Variants in NARS2 observed in about 807,000 individuals in gnomAD.
NARS2 encodes the protein asparaginyl-tRNA synthetase 2, mitochondrial.
NARS2 carries 60 observed loss-of-function variants against 62.9 expected under a neutral mutation model. That is an observed-to-expected ratio of 0.95 (90% confidence interval 0.77 to 1.18). NARS2 has a LOEUF of 1.18. NARS2 is among the 50% of genes most tolerant of loss of function. NARS2 has a pLI of 0.00. For synonymous variants in NARS2, 196 were observed against 200.0 expected (o/e 0.98, Z 0.17); for missense variants, 619 against 576.4 (o/e 1.07, Z -0.76).
chr11:78,493,247 A>G (rs1223285391), intron 6 of NARS2, 52 bp from the exon 7 acceptor site: 2 of 1,486,208 alleles, frequency 1.3e-6, no homozygotes, highest in East Asian at 2.3e-5. Context: ...ATTAATTTTA[A>G]GTATTTAAAT....
chr11:78,507,218 CTTT>C (rs1860536665), intron 6 of NARS2, among the ~76,000 whole-genome samples: 1 of 140,266 alleles, frequency 7.1e-6, no homozygotes, highest in African/African-American at 2.6e-5. Context: ...CTTCATTTTT[CTTT>C]TATTTTCCTT....
chr11:78,468,987 C>T lies in NARS2; in HGVS notation c.1026+260G>A, dbSNP rs114225694. On this transcript the variant is annotated intron_variant, in intron 10 of 13. Transcript: ENST00000281038. ...TTTTTAGAATTTTCATCTTCCTAAACGTGGGAGACTCCTTTATAACCCTTT... is the reference window on the plus strand; with the variant it reads ...TTTTTAGAATTTTCATCTTCCTAAATGTGGGAGACTCCTTTATAACCCTTT... 0.016 allele frequency among the ~76,000 whole-genome samples: 2,448 copies of T among 152,010 alleles called. 56 individuals carry two copies. The highest frequency in any genetic ancestry group is 0.056 in the African/African-American group (2,300 of 41,432).
intron 5 of NARS2, among the ~76,000 whole-genome samples, chr11:78,536,681 AG>A (rs1294892571): frequency 6.6e-6 from 1 of 152,228 alleles, no homozygotes; most frequent in Non-Finnish European, 1.5e-5. Flanking sequence ...TAAAAAAGTT[AG>A]AGTACGCTAA....
At chr11:78,494,064 C>T (rs1163982409) in intron 6 of NARS2, among the ~76,000 whole-genome samples, 1 of 152,168 alleles carries the variant, frequency 6.6e-6, no homozygotes, top group African/African-American at 2.4e-5. Flanking sequence ...GTGAATGACC[C>T]CTGAAATGTG....
At chr11:78,496,114 G>C (rs1860046287) in intron 6 of NARS2, among the ~76,000 whole-genome samples, 1 of 151,914 alleles carries the variant, frequency 6.6e-6, no homozygotes, top group African/African-American at 2.4e-5. Context: ...AATGACCACA[G>C]TGCTTCCTCT....
intron 1 of NARS2, among the ~76,000 whole-genome samples, chr11:78,572,476 C>T (rs1856965062): frequency 6.6e-6 from 1 of 152,194 alleles, no homozygotes; most frequent in Non-Finnish European, 1.5e-5. Flanking sequence ...TTCTTATCAA[C>T]GAGCTTTTCT....
chr11:78,568,706 T>C lies in NARS2; in HGVS notation c.298A>G (p.Lys100Glu). The change falls in exon 3 of 14, where the codon AAA (lysine) becomes GAA (glutamate). Residue 100 changes from lysine (K) to glutamate (E), a missense_variant. Lys to Glu is a moderately conservative substitution (Grantham distance 56, BLOSUM62 1). Transcript: ENST00000281038. ...ACATTTTGCCTTTTGGATGGACTTT[T>C]TATCAGCTGCCCTTGTACTTCCACA... ...SSVEVQGQLIKSPSKRQNVEL... is the reference protein window; with the variant it reads ...SSVEVQGQLIESPSKRQNVEL... The C allele has an allele frequency of 6.2e-7, 1 of 1,612,980 alleles. No homozygotes were observed. Among genetic ancestry groups the C allele is most frequent in the Non-Finnish European group, 8.5e-7 (1 of 1,179,218 alleles).
At chr11:78,451,579 A>T (rs1161835979) in intron 11 of NARS2, among the ~76,000 whole-genome samples, 2 of 152,232 alleles carry the variant, frequency 1.3e-5, no homozygotes, top group African/African-American at 4.8e-5. Flanking sequence ...TCTGTGGTTT[A>T]TGGGAGGCTG....
rs766342345 is a variant in NARS2, at chr11:78,469,291, C to T, written c.982G>A (p.Glu328Lys). The T allele has an allele frequency of 1.2e-6, 2 of 1,612,804 alleles. No homozygotes were observed. Among genetic ancestry groups the T allele is most frequent in the Non-Finnish European group, 1.7e-6 (2 of 1,179,352 alleles). ...FLIISYTEAV[E>K]ILKQASQNFT... Reference sequence around the variant, plus strand: ...TTCTGGGATGCTTGCTTTAAGATCTCCACTGCTTCAGTATAAGAAATGCTG... The same window carrying T: ...TTCTGGGATGCTTGCTTTAAGATCTTCACTGCTTCAGTATAAGAAATGCTG... The change falls in exon 10 of 14, where the codon GAG becomes AAG. Residue 328 changes from glutamate to lysine, a missense_variant. Coordinates refer to ENST00000281038, the MANE Select transcript of NARS2 (RefSeq NM_024678.6).
In NARS2 at chr11:78,532,698, A is replaced by G. The variant is rs886615175; in HGVS notation, c.595-3762T>C. Among the ~76,000 whole-genome samples, 10 of 152,156 alleles carry G rather than the reference A, an allele frequency of 6.6e-5. 1 individual carries two copies. In the East Asian group the frequency reaches 1.2e-3, roughly 18 times the overall value. On this transcript the variant is annotated intron_variant, in intron 5 of 13. Transcript: ENST00000281038. ...GATTAAATGGTGCCCCTTACCTCTT[A>G]GTTACTAATTCTTTGTTATAGATTA...
rs1350313206 is a variant in NARS2 at position 78,574,480 on chromosome 11, C to G, written c.9G>C (p.Gly3=). The G allele has an allele frequency of 1.9e-6, 3 of 1,611,294 alleles. No individual in the cohort carries two copies. The highest frequency in any genetic ancestry group is 2.5e-6 in the Non-Finnish European group (3 of 1,179,012). The change falls in exon 1 of 14, where the codon GGG becomes GGC. Residue 3 remains glycine, a synonymous_variant. Transcript: ENST00000281038. ML[G]VRCLLRSVRF... ...GCACGGACCGCAGCAGGCAGCGGAC[C>G]CCCAGCATCCCGCGTCCGCCCAGGC...
At chr11:78,476,168 G>A (rs769072812) in intron 9 of NARS2, among the ~76,000 whole-genome samples, 5 of 152,234 alleles carry the variant, frequency 3.3e-5, no homozygotes, top group Non-Finnish European at 5.9e-5. Context: ...GCTAGGCTTT[G>A]TAAATGGGCT....
At position 78,518,603 on chromosome 11, in the gene NARS2, C is replaced by T. The variant is rs570921294; in HGVS notation, c.689+10239G>A. Among the ~76,000 whole-genome samples the T allele has an allele frequency of 6.6e-5, 10 of 152,184 alleles. No individual in the cohort carries two copies. The South Asian group carries it at 1.0e-3, about 16-fold the overall frequency. ...CGCAATCTCAGCCCACTGCAAGCTC[C>T]GCCTCCTGGGTTCACGCCATTCTCC... On this transcript the variant is annotated intron_variant, in intron 6 of 13. Transcript: ENST00000281038.
Position 78,505,450 on chromosome 11 carries a change from T to C in NARS2, c.690-12255A>G, listed in dbSNP as rs1403320964. ...TCAAGTTTTTAAATGCATTTTCTGA[T>C]GGAGTTTTTTTTTTTTAACTGATTT... On this transcript the variant is annotated intron_variant, in intron 6 of 13. Coordinates refer to ENST00000281038, the MANE Select transcript of NARS2 (RefSeq NM_024678.6). 9.9e-5 allele frequency among the ~76,000 whole-genome samples: 15 copies of C among 152,052 alleles called. No individual in the cohort carries two copies. In the South Asian group the frequency reaches 2.9e-3, roughly 29 times the overall value.
At chr11:78,448,603 G>A (rs532902424) in intron 11 of NARS2, among the ~76,000 whole-genome samples, 1 of 152,246 alleles carries the variant, frequency 6.6e-6, no homozygotes, top group Non-Finnish European at 1.5e-5. Flanking sequence ...GAACCACTGT[G>A]CCCGGCAGTA....
intron 5 of NARS2, among the ~76,000 whole-genome samples, chr11:78,547,923 A>T (rs1855943613): frequency 6.6e-6 from 1 of 152,104 alleles, no homozygotes; most frequent in Non-Finnish European, 1.5e-5. Flanking sequence ...CTGAATGTTA[A>T]AACAGGCTAT....
intron 11 of NARS2, among the ~76,000 whole-genome samples, chr11:78,459,125 G>A (rs1858287198): frequency 6.6e-6 from 1 of 151,958 alleles, no homozygotes; most frequent in South Asian, 2.1e-4. Context: ...TTGTTGGTCA[G>A]GCTGGTCTCG....
chr11:78,571,282 C>T, intron 2 of NARS2, 53 bp downstream of exon 2: 1 of 1,111,962 alleles, frequency 9.0e-7, no homozygotes, highest in Non-Finnish European at 1.4e-6. Flanking sequence ...AAGTGAGAAG[C>T]ACTAGAGGTG....
intron 5 of NARS2, among the ~76,000 whole-genome samples, chr11:78,541,146 G>A (rs1312267782): frequency 2.0e-5 from 3 of 152,066 alleles, no homozygotes; most frequent in Non-Finnish European, 4.4e-5. Context: ...AGTGACAACA[G>A]TGAAACTCCA....
Sources: gnomAD v4.1 joint callset for allele counts (sites outside exome capture counted in the v4.1 genomes callset) on GRCh38, gnomAD v4.1.1 for gene constraint, MANE v1.5 for transcripts, NCBI Gene and HGNC (gene_info 2026-07-23, HGNC 2026-07-21) for gene names.